The following EXOC4 variants were observed in gnomAD, a reference collection of about 807,000 sequenced individuals.
The protein encoded by EXOC4 is SEC8-like 1.
Under a neutral mutation model 107.2 loss-of-function variants are expected in EXOC4, and 71 were observed. The observed-to-expected ratio is 0.66, with a 90% CI of 0.55 to 0.81. EXOC4 has a LOEUF of 0.81. EXOC4 is among the 30% of genes least tolerant of loss of function. EXOC4 has a pLI of 0.00. For missense variants in EXOC4, 1,108 were observed against 1,189.6 expected (o/e 0.93, Z 1.01); for synonymous variants, 456 against 441.2 (o/e 1.03, Z -0.42).
At chr7:133,855,071 AAATATATC>A (rs1798323616) in intron 11 of EXOC4, among the ~76,000 whole-genome samples, 2 of 78,998 alleles carry the variant, frequency 2.5e-5, no homozygotes, top group Admixed American at 1.2e-4. Context: ...AAATATATCT[AAATATATC>A]TAAATATATA....
chr7:133,895,957 A>G (rs2042454), intron 12 of EXOC4, among the ~76,000 whole-genome samples: 94,261 of 152,106 alleles, frequency 0.62, 31,638 homozygotes, highest in African/African-American at 0.89. Context: ...CTACCAATGC[A>G]TGGCTCAGAT....
chr7:133,847,875 AT>A (rs55923568), intron 11 of EXOC4, among the ~76,000 whole-genome samples: 1,204 of 85,006 alleles, frequency 0.014, 7 homozygotes, highest in African/African-American at 0.047. Flanking sequence ...TGCCCAGCTA[AT>A]TTTTTTTTTT....
At chr7:133,428,439 G>A (rs1357019960) in intron 7 of EXOC4, among the ~76,000 whole-genome samples, 2 of 152,204 alleles carry the variant, frequency 1.3e-5, no homozygotes, top group East Asian at 1.9e-4. Flanking sequence ...ATCAAGCAGA[G>A]CACATGCCTT....
Position 133,912,348 on chromosome 7 carries a change from TC to T in EXOC4, c.1872-5234del, listed in dbSNP as rs1799714109. On this transcript the variant is annotated intron_variant, in intron 12 of 17. Transcript: ENST00000253861. ...AAGTAGCGTAGAAGGGAAAGGCTTG[TC>T]AATAATCGCTCTTTGGTTCATTTGT... 2.0e-5 allele frequency among the ~76,000 whole-genome samples: 3 copies of T among 152,216 alleles called. 1 individual carries two copies. Among genetic ancestry groups the T allele is most frequent in the Admixed American group, 1.3e-4 (2 of 15,288 alleles).
intron 13 of EXOC4, among the ~76,000 whole-genome samples, chr7:133,927,658 A>G (rs1034459191): frequency 1.6e-4 from 24 of 152,216 alleles, no homozygotes; most frequent in Admixed American, 1.4e-3. Flanking sequence ...TTTAAAATAT[A>G]ATTATAAAAG....
intron 2 of EXOC4, among the ~76,000 whole-genome samples, chr7:133,281,797 G>A (rs916858804): frequency 2.0e-5 from 3 of 151,482 alleles, no homozygotes; most frequent in African/African-American, 7.3e-5. Flanking sequence ...CGCCTCCCGG[G>A]TTCAAGTGAT....
At chr7:134,031,009 G>A (rs1585336322) in intron 17 of EXOC4, among the ~76,000 whole-genome samples, 1 of 152,124 alleles carries the variant, frequency 6.6e-6, no homozygotes, top group Non-Finnish European at 1.5e-5. Flanking sequence ...AGAGAAGCCA[G>A]TCAAAAGAAA....
intron 7 of EXOC4, among the ~76,000 whole-genome samples, chr7:133,382,009 T>C (rs559384398): frequency 3.3e-5 from 5 of 152,264 alleles, no homozygotes; most frequent in African/African-American, 1.2e-4. Context: ...CACTGAAGTT[T>C]GAGGACCTTT....
chr7:133,822,772 C>T lies in EXOC4; in HGVS notation c.1734+5228C>T, dbSNP rs571817126. On this transcript the variant is annotated intron_variant, in intron 11 of 17. Coordinates refer to ENST00000253861, the MANE Select transcript of EXOC4 (RefSeq NM_021807.4). ...CAGCCCTCTAAGTGATTTTGGTACT[C>T]GCTAAAGTTTAAGAAGCATACTCTT... 1.2e-4 allele frequency among the ~76,000 whole-genome samples: 19 copies of T among 152,274 alleles called. No individual in the cohort carries two copies. The South Asian group carries it at 3.3e-3, about 27-fold the overall frequency.
At chr7:133,967,074 A>G (rs1801087928) in intron 14 of EXOC4, among the ~76,000 whole-genome samples, 1 of 152,104 alleles carries the variant, frequency 6.6e-6, no homozygotes, top group Admixed American at 6.6e-5. Context: ...GTGTCCAGGA[A>G]TTTATTCATT....
At chr7:133,448,322 T>C (rs573593061) in intron 7 of EXOC4, among the ~76,000 whole-genome samples, 9 of 152,108 alleles carry the variant, frequency 5.9e-5, no homozygotes, top group Admixed American at 3.3e-4. Context: ...TTTTGAGACA[T>C]GGTCTTGCTC....
intron 15 of EXOC4, among the ~76,000 whole-genome samples, chr7:134,001,526 G>T (rs1554433236): frequency 6.6e-6 from 1 of 151,734 alleles, no homozygotes; most frequent in African/African-American, 2.4e-5. Context: ...CTTAAAGAAA[G>T]GTTATATGTC....
intron 15 of EXOC4, among the ~76,000 whole-genome samples, chr7:134,002,464 G>C (rs1304443602): frequency 6.6e-6 from 1 of 151,998 alleles, no homozygotes; most frequent in Non-Finnish European, 1.5e-5. Context: ...AAATAAAAAA[G>C]TTATAAATTG....
At chr7:133,654,668 C>T (rs1036749322) in intron 10 of EXOC4, among the ~76,000 whole-genome samples, 3 of 152,238 alleles carry the variant, frequency 2.0e-5, no homozygotes, top group East Asian at 1.9e-4. Context: ...TTCCCTATTG[C>T]TCAGGCGTCA....
chr7:133,421,103 T>C (rs1797594008), intron 7 of EXOC4, among the ~76,000 whole-genome samples: 1 of 152,040 alleles, frequency 6.6e-6, no homozygotes, highest in Non-Finnish European at 1.5e-5. Flanking sequence ...TCAATTCTTT[T>C]ATATGTTAAG....
At chr7:133,917,890 A>G in intron 13 of EXOC4, 152 bp downstream of exon 13, 2 of 731,246 alleles carry the variant, frequency 2.7e-6, no homozygotes, top group Non-Finnish European at 4.2e-6. Context: ...GTCTCACCTC[A>G]TTTCCCATGC....
At chr7:134,004,062 G>C (rs1794587746) in intron 15 of EXOC4, among the ~76,000 whole-genome samples, 2 of 152,088 alleles carry the variant, frequency 1.3e-5, no homozygotes, top group Admixed American at 1.3e-4. Flanking sequence ...CATGGCACGT[G>C]GATGGATGTG....
At chr7:133,468,055 A>T (rs1440891340) in intron 7 of EXOC4, among the ~76,000 whole-genome samples, 1 of 152,204 alleles carries the variant, frequency 6.6e-6, no homozygotes, top group African/African-American at 2.4e-5. Flanking sequence ...ATAATTTAAA[A>T]TGAATGAAAA....
intron 12 of EXOC4, among the ~76,000 whole-genome samples, chr7:133,911,032 C>T (rs935302351): frequency 3.3e-5 from 5 of 152,200 alleles, no homozygotes; most frequent in Non-Finnish European, 7.3e-5. Context: ...ATGAAATTCA[C>T]TCAGCTGTAT....
Sources: allele counts gnomAD v4.1 joint callset (sites outside exome capture counted in the v4.1 genomes callset), GRCh38; gene constraint gnomAD v4.1.1; transcripts MANE v1.5; gene names NCBI Gene and HGNC (gene_info 2026-07-23, HGNC 2026-07-21).